The following ZNF724 variants were observed in gnomAD, a reference collection of about 807,000 sequenced individuals.
The protein encoded by ZNF724 is zinc finger protein 724.
Under a neutral mutation model 29.3 loss-of-function variants are expected in ZNF724, and 14 were observed. The ratio of observed to expected loss-of-function variants is 0.48; its 90% CI spans 0.32 to 0.75. The LOEUF is 0.75. Ranked by LOEUF, ZNF724 falls within the 30% of genes least tolerant of loss-of-function variation. The pLI is 0.04. For synonymous variants in ZNF724, 180 were observed against 193.6 expected (o/e 0.93, Z 0.58); for missense variants, 557 against 571.2 (o/e 0.98, Z 0.25).
At position 23,250,338 on chromosome 19, in the gene ZNF724, G is replaced by T. The variant is rs1247518353; in HGVS notation, c.-96C>A. On this transcript the variant is annotated 5_prime_UTR_variant, in exon 1 of 4. Transcript: ENST00000418100. ...CAGAGGCTGGGCCTCTAAGAGCAGG[G>T]GACACAAAGCAGGGAAGACGAGACC... is the stretch of plus-strand genomic sequence containing the variant. The T allele has an allele frequency of 2.4e-5, 13 of 533,290 alleles. No homozygotes were observed. In the Admixed American group the frequency reaches 2.7e-4, roughly 11 times the overall value. 33.0% of individuals were successfully genotyped at this position (533,290 alleles called of 1,614,324 possible). A position where few individuals can be genotyped will look rare whatever the true frequency, so the allele number is the denominator to read the frequency against.
intron 1 of ZNF724, among the ~76,000 whole-genome samples, chr19:23,235,965 A>G (rs1368213690): frequency 6.6e-6 from 1 of 152,200 alleles, no homozygotes; most frequent in African/African-American, 2.4e-5. Flanking sequence ...TTAGTCCACA[A>G]GTAAAAGAAT....
rs775629552 is a variant in ZNF724 at position 23,232,198 on chromosome 19, C to T, written c.99G>A (p.Met33Ile). The T allele has an allele frequency of 2.2e-6, 3 of 1,352,604 alleles. No homozygotes were observed. The highest frequency in any genetic ancestry group is 3.4e-5 in the Admixed American group (2 of 59,640). The allele number at this position is 1,352,604 out of a possible 1,614,324, so 83.8% of individuals were successfully genotyped here. The change falls in exon 2 of 4, where the codon ATG becomes ATA. Residue 33 changes from methionine (M) to isoleucine (I), a missense_variant. By Grantham distance (10) the Met-to-Ile change is conservative (BLOSUM62 1). Coordinates refer to ENST00000418100, the MANE Select transcript of ZNF724 (RefSeq NM_001355404.2). ...TAQQNLYRNV[M>I]LENYRNLVFL... ...AGACCAGGTTTCTGTAGTTCTCTAA[C>T]ATCACGTTCCTATATAAATTCTGCT...
rs181422571 is a variant in ZNF724 at position 23,232,029 on chromosome 19, G to A, written c.130+138C>T. 250 of 821,690 alleles carry A rather than the reference G, an allele frequency of 3.0e-4. No individual in the cohort carries two copies. The African/African-American group carries it at 3.7e-3, about 12-fold the overall frequency. The allele number at this position is 821,690 out of a possible 1,614,324, so 50.9% of individuals were successfully genotyped here. ...TAGGATTACAGGCATAAGCCACCAC[G>A]CTTGGCCCCCAAGATTTTCTTAGAA... On this transcript the variant is annotated intron_variant, in intron 2 of 3. Coordinates refer to ENST00000418100, the MANE Select transcript of ZNF724 (RefSeq NM_001355404.2).
chr19:23,222,762 T>A lies in ZNF724; in HGVS notation c.1483A>T (p.Thr495Ser). 7.1e-7 allele frequency: 1 copy of A among 1,406,834 alleles called. No individual in the cohort carries two copies. Among genetic ancestry groups the A allele is most frequent in the Non-Finnish European group, 1.0e-6 (1 of 1,000,194 alleles). 87.1% of individuals were successfully genotyped at this position (1,406,834 alleles called of 1,614,324 possible). ...TCTCCAGTATGAATTTTCTTATGTG[T>A]TGTAAGGTGTGAGGATAGGTTAAAA... ...KAFNLSSHLT[T>S]HKKIHTGEKP... Residue 495 changes from threonine to serine, a missense_variant, in exon 4 of 4, where the codon ACA (threonine) becomes TCA (serine). By Grantham distance (58) the Thr-to-Ser change is moderately conservative. Around this residue, in one of 3 missense-constraint regions of ZNF724, gnomAD observed 170 missense variants for 220.7 expected, o/e 0.77. Coordinates refer to ENST00000418100, the MANE Select transcript of ZNF724 (RefSeq NM_001355404.2).
At chr19:23,232,589 A>G (rs1971955490) in intron 1 of ZNF724, among the ~76,000 whole-genome samples, 1 of 152,206 alleles carries the variant, frequency 6.6e-6, no homozygotes, top group Non-Finnish European at 1.5e-5. Flanking sequence ...TATTCACACT[A>G]TAAAGAATGA....
At chr19:23,224,284 G>A (rs1284017514) in intron 3 of ZNF724, among the ~76,000 whole-genome samples, 1 of 152,058 alleles carries the variant, frequency 6.6e-6, no homozygotes, top group East Asian at 1.9e-4. Context: ...ATGATAGCAT[G>A]CACCTGTAAT....
At chr19:23,235,159 T>C (rs1972003868) in intron 1 of ZNF724, among the ~76,000 whole-genome samples, 1 of 152,276 alleles carries the variant, frequency 6.6e-6, no homozygotes, top group Non-Finnish European at 1.5e-5. Context: ...TACAGAGCAC[T>C]GTGCTTGGAA....
chr19:23,233,498 CCA>C (rs1971973294), intron 1 of ZNF724, among the ~76,000 whole-genome samples: 1 of 152,116 alleles, frequency 6.6e-6, no homozygotes, highest in Non-Finnish European at 1.5e-5. Flanking sequence ...TCTTGAGTAT[CCA>C]CACTTTTCTA....
At chr19:23,240,365 C>A (rs1416239355) in intron 1 of ZNF724, among the ~76,000 whole-genome samples, 1 of 151,662 alleles carries the variant, frequency 6.6e-6, no homozygotes, top group Non-Finnish European at 1.5e-5. Context: ...GTTTTGGTCG[C>A]ACTCTGACCA....
At chr19:23,243,794 G>T (rs1365066035) in intron 1 of ZNF724, among the ~76,000 whole-genome samples, 1 of 151,386 alleles carries the variant, frequency 6.6e-6, no homozygotes, top group Admixed American at 6.6e-5. Flanking sequence ...ATGGTGGCAG[G>T]CACCTGTAAT....
intron 1 of ZNF724, chr19:23,236,844 G>C (rs188435695): frequency 1.3e-5 from 2 of 151,944 alleles, no homozygotes; most frequent in African/African-American, 4.8e-5. Context: ...ATTTCCAACA[G>C]CTCCTTTTTA....
intron 2 of ZNF724, 97 bp downstream of exon 2, chr19:23,232,070 T>C: frequency 2.0e-6 from 2 of 1,009,030 alleles, no homozygotes; most frequent in Non-Finnish European, 3.0e-6. Context: ...GATCTGATAC[T>C]CATTTATGCA....
Position 23,227,172 on chromosome 19 carries a change from TTTA to T in ZNF724, c.227-3157_227-3155del, listed in dbSNP as rs200447492. Among the ~76,000 whole-genome samples the T allele has an allele frequency of 3.2e-3, 491 of 152,314 alleles. 1 individual carries two copies. Among genetic ancestry groups the T allele is most frequent in the African/African-American group, 0.012 (479 of 41,580 alleles). On this transcript the variant is annotated intron_variant, in intron 3 of 3. Transcript: ENST00000418100. Reference sequence around the variant, plus strand: ...AAATAGAAGACTCTAATGAGAAACTTTTAATAAATAAGCATTATAAAAACTAGA... The same window carrying T: ...AAATAGAAGACTCTAATGAGAAACTTATAAATAAGCATTATAAAAACTAGA...
chr19:23,223,250 T>C lies in ZNF724; in HGVS notation c.995A>G (p.His332Arg). ...ACATTTATAAGGTTTATCACCAGTA[T>C]GAATTCTCTTATGTTTAGTAAGGTT... is the stretch of plus-strand genomic sequence containing the variant. ...SSNLTKHKRI[H>R]TGDKPYKCEE... Residue 332 changes from histidine (H) to arginine (R), a missense_variant, in exon 4 of 4, where the codon CAT (histidine) becomes CGT (arginine). This residue lies in a region of ZNF724 where 362 missense variants were observed against 295.5 expected (regional missense o/e 1.22). Coordinates refer to ENST00000418100, the MANE Select transcript of ZNF724 (RefSeq NM_001355404.2). 2 of 883,008 alleles carry C rather than the reference T, an allele frequency of 2.3e-6. No homozygotes were observed. The highest frequency in any genetic ancestry group is 3.9e-6 in the Non-Finnish European group (2 of 518,510). The allele number at this position is 883,008 out of a possible 1,614,324, so 54.7% of individuals were successfully genotyped here.
chr19:23,221,889 A>G lies in ZNF724; in HGVS notation c.*496T>C. 8.8e-6 allele frequency: 1 copy of G among 113,438 alleles called. No homozygotes were observed. The highest frequency in any genetic ancestry group is 7.8e-5 in the Admixed American group (1 of 12,858). 7.0% of individuals were successfully genotyped at this position (113,438 alleles called of 1,614,324 possible). ...ACCATGCCCAGCTTACACTCTTGATATTTTAATGCTTGTCTTCAAAATAAA... is the reference window on the plus strand; with the variant it reads ...ACCATGCCCAGCTTACACTCTTGATGTTTTAATGCTTGTCTTCAAAATAAA... On this transcript the variant is annotated 3_prime_UTR_variant, in exon 4 of 4. Coordinates refer to ENST00000418100, the MANE Select transcript of ZNF724 (RefSeq NM_001355404.2).
chr19:23,228,513 G>A (rs1203892345), intron 3 of ZNF724, among the ~76,000 whole-genome samples: 3 of 151,316 alleles, frequency 2.0e-5, no homozygotes, highest in African/African-American at 4.9e-5. Context: ...GCACTTTGGG[G>A]GACTGAGGCG....
Position 23,222,914 on chromosome 19 carries a change from T to C in ZNF724, c.1331A>G (p.His444Arg). The part of the protein sequence containing the change: ...FSQLTTHKII[H>R]TGEKPYKCKE... ...ACATTTGTAGGGTTTCTCTCCAGTA[T>C]GAATTATCTTATGTGTAGTAAGTTG... is the stretch of plus-strand genomic sequence containing the variant. Residue 444 changes from histidine (H) to arginine (R), a missense_variant, in exon 4 of 4, where the codon CAT (histidine) becomes CGT (arginine). His to Arg is a conservative substitution (Grantham distance 29). Coordinates refer to ENST00000418100, the MANE Select transcript of ZNF724 (RefSeq NM_001355404.2). 7.2e-7 allele frequency: 1 copy of C among 1,390,378 alleles called. No individual in the cohort carries two copies. The highest frequency in any genetic ancestry group is 1.0e-6 in the Non-Finnish European group (1 of 977,578). The allele number at this position is 1,390,378 out of a possible 1,614,324, so 86.1% of individuals were successfully genotyped here.
intron 1 of ZNF724, among the ~76,000 whole-genome samples, chr19:23,246,514 G>A (rs549026530): frequency 1.6e-4 from 25 of 151,988 alleles, no homozygotes; most frequent in Non-Finnish European, 2.5e-4. Context: ...AATTAGCTGG[G>A]CGTGGTGGCA....
At chr19:23,245,360 T>G (rs1972217183) in intron 1 of ZNF724, among the ~76,000 whole-genome samples, 1 of 152,198 alleles carries the variant, frequency 6.6e-6, no homozygotes, top group Non-Finnish European at 1.5e-5. Context: ...ACGCCTGTAA[T>G]CCCAGCACTT....
Sources: allele counts gnomAD v4.1 joint callset (sites outside exome capture counted in the v4.1 genomes callset), GRCh38; gene constraint gnomAD v4.1.1; regional missense constraint gnomAD v4.1.1; transcripts MANE v1.5; gene names NCBI Gene and HGNC (gene_info 2026-07-23, HGNC 2026-07-21).